Variants in ZFYVE16 observed in about 807,000 individuals in gnomAD.
ZFYVE16 encodes zinc finger FYVE-type containing 16.
In ZFYVE16, 89 loss-of-function variants were observed where a neutral mutation model predicts 138.1. That is an observed-to-expected ratio of 0.64 (90% CI 0.54 to 0.77). The LOEUF (loss-of-function observed/expected upper bound fraction) is 0.77, where lower values mean the gene tolerates loss of function less well. Among genes scored for constraint, ZFYVE16 ranks in the 30% least tolerant of loss-of-function variants. The pLI, the probability that ZFYVE16 is intolerant of heterozygous loss-of-function variation, is 0.00. For synonymous variants in ZFYVE16, 596 were observed against 618.3 expected (o/e 0.96, Z 0.53); for missense variants, 1,793 against 1,786.7 (o/e 1.00, Z -0.06).
intron 6 of ZFYVE16, among the ~76,000 whole-genome samples, chr5:80,444,755 TTA>T (rs903402130): frequency 6.6e-6 from 1 of 151,184 alleles, no homozygotes; most frequent in African/African-American, 2.4e-5. Context: ...CTTTTTTTCT[TTA>T]TATATATATA....
At chr5:80,432,969 G>A (rs994451730) in intron 2 of ZFYVE16, among the ~76,000 whole-genome samples, 2 of 152,174 alleles carry the variant, frequency 1.3e-5, no homozygotes, top group Non-Finnish European at 2.9e-5. Context: ...GGAAAAACAG[G>A]AATGCTTTTA....
Position 80,480,441 on chromosome 5 carries a change from A to C in ZFYVE16, c.*3064A>C, listed in dbSNP as rs970081141. On this transcript the variant is annotated 3_prime_UTR_variant, in exon 19 of 19. Transcript: ENST00000505560. The stretch of plus-strand genomic sequence containing the variant: ...ATGGGAGAAACAGCTGGAAAAAAAA[A>C]CAGAAGACCTGTAGAGAATACAGTG... 5.3e-5 allele frequency among the ~76,000 whole-genome samples: 8 copies of C among 151,506 alleles called. No individual in the cohort carries two copies. Among genetic ancestry groups the C allele is most frequent in the South Asian group, 2.1e-4 (1 of 4,792 alleles).
At chr5:80,416,247 A>ATTTTTTTTTT (rs70988469) in intron 1 of ZFYVE16, among the ~76,000 whole-genome samples, 1 of 73,346 alleles carries the variant, frequency 1.4e-5, no homozygotes, top group Non-Finnish European at 2.6e-5. Flanking sequence ...GAATACATAG[A>ATTTTTTTTTT]TTTTTTTTTT....
At position 80,411,273 on chromosome 5, in the gene ZFYVE16, C is replaced by T. The variant is rs373348712; in HGVS notation, c.-94+3120C>T. ...CTGGGATTACAGGCATGAGCCACCACGCTGGCCAAGTATATGCTTATAAAA... is the reference window on the plus strand; with the variant it reads ...CTGGGATTACAGGCATGAGCCACCATGCTGGCCAAGTATATGCTTATAAAA... On this transcript the variant is annotated intron_variant, in intron 1 of 18. Transcript: ENST00000505560. Among the ~76,000 whole-genome samples, 445 of 151,436 alleles carry T rather than the reference C, an allele frequency of 2.9e-3. 2 individuals are homozygous for T. The highest frequency in any genetic ancestry group is 0.01 in the African/African-American group (427 of 41,234).
intron 1 of ZFYVE16, among the ~76,000 whole-genome samples, chr5:80,426,246 G>T (rs1347019251): frequency 1.7e-5 from 1 of 59,102 alleles, no homozygotes; most frequent in Non-Finnish European, 3.8e-5. Context: ...GTGTGTCTGT[G>T]TGTGTGTGTG....
In ZFYVE16 at chr5:80,450,532, A is replaced by T. The variant is rs762178907; in HGVS notation, c.3328A>T (p.Ile1110Phe). The change falls in exon 10 of 19, where the codon ATT (isoleucine) becomes TTT (phenylalanine). Residue 1110 changes from isoleucine to phenylalanine, a missense_variant. Around this residue, in one of 2 missense-constraint regions of ZFYVE16, gnomAD observed 498 missense variants for 582.4 expected, o/e 0.86. Coordinates refer to ENST00000505560, the MANE Select transcript of ZFYVE16 (RefSeq NM_001284236.3). Reference sequence around the variant, plus strand: ...GTTATGTTTGCCAAATGAAGATACTATTCCTAAGGACATCTTCAGACTATT... The same window carrying T: ...GTTATGTTTGCCAAATGAAGATACTTTTCCTAAGGACATCTTCAGACTATT... ...LLLCLPNEDT[I>F]PKDIFRLFIT... The T allele has an allele frequency of 1.2e-6, 2 of 1,613,384 alleles. No homozygotes were observed. The highest frequency in any genetic ancestry group is 1.7e-5 in the Admixed American group (1 of 60,004).
rs377504564 is a variant in ZFYVE16 at position 80,438,365 on chromosome 5, A to G, written c.1680A>G (p.Gln560=). 10 of 1,613,620 alleles carry G rather than the reference A, an allele frequency of 6.2e-6. No homozygotes were observed. Among genetic ancestry groups the G allele is most frequent in the South Asian group, 5.5e-5 (5 of 91,046 alleles). The stretch of plus-strand genomic sequence containing the variant: ...AAAATGTAAATGACTCTAAATCGCA[A>G]ATGAATCAGATAGATATGAAAGGCT... ...FEENVNDSKS[Q]MNQIDMKGLD... Residue 560 remains glutamine, a synonymous_variant, in exon 4 of 19, where the codon CAA becomes CAG. Transcript: ENST00000505560.
chr5:80,474,545 C>T (rs1202087901), intron 17 of ZFYVE16, 118 bp from the exon 18 acceptor site: 2 of 1,047,134 alleles, frequency 1.9e-6, no homozygotes, highest in Non-Finnish European at 2.7e-6. Context: ...ACAGAATTCT[C>T]ACAACTAATG....
chr5:80,456,191 C>T (rs1201605827), intron 12 of ZFYVE16: 6 of 331,510 alleles, frequency 1.8e-5, no homozygotes, highest in South Asian at 4.4e-5. Flanking sequence ...CTAAAGTTCC[C>T]TTCCACCTAT....
In ZFYVE16 at chr5:80,445,321, T is replaced by A. The variant is rs753635660; in HGVS notation, c.2640T>A (p.Gly880=). Residue 880 remains glycine, a synonymous_variant, in exon 7 of 19, where the codon GGT becomes GGA. Coordinates refer to ENST00000505560, the MANE Select transcript of ZFYVE16 (RefSeq NM_001284236.3). Reference sequence around the variant, plus strand: ...TTGCAGATGGTATATTGCCCAATGGTGAAGTTGCAGATACAACAAAATTAT... The same window carrying A: ...TTGCAGATGGTATATTGCCCAATGGAGAAGTTGCAGATACAACAAAATTAT... ...VWFADGILPN[G]EVADTTKLSS... is the part of the protein sequence containing the mutation. 6.2e-7 allele frequency: 1 copy of A among 1,613,856 alleles called. No homozygotes were observed. The highest frequency in any genetic ancestry group is 1.3e-5 in the African/African-American group (1 of 74,912).
At position 80,477,168 on chromosome 5, in the gene ZFYVE16, G is replaced by A. The variant is rs781601395; in HGVS notation, c.4462-51G>A. The A allele has an allele frequency of 3.9e-5, 55 of 1,427,114 alleles. 1 individual carries two copies. The South Asian group carries it at 6.4e-4, about 17-fold the overall frequency. 88.4% of individuals were successfully genotyped at this position (1,427,114 alleles called of 1,614,324 possible). On this transcript the variant is annotated intron_variant, in intron 18 of 18. Transcript: ENST00000505560. ...TTCACTTATTTTATATTCACATTCCGAGTTAAACAAGATTGCTCATTTTCT... is the reference window on the plus strand; with the variant it reads ...TTCACTTATTTTATATTCACATTCCAAGTTAAACAAGATTGCTCATTTTCT...
intron 15 of ZFYVE16, among the ~76,000 whole-genome samples, chr5:80,461,008 TA>T (rs773768348): frequency 2.0e-5 from 3 of 152,192 alleles, no homozygotes; most frequent in Non-Finnish European, 4.4e-5. Flanking sequence ...ACTATATTTT[TA>T]AAAGAAAAAG....
intron 2 of ZFYVE16, among the ~76,000 whole-genome samples, chr5:80,428,855 A>G (rs1748548866): frequency 6.6e-6 from 1 of 152,234 alleles, no homozygotes; most frequent in African/African-American, 2.4e-5. Context: ...AAAGGGTATC[A>G]GTGATTGAAG....
intron 18 of ZFYVE16, among the ~76,000 whole-genome samples, chr5:80,475,339 G>A (rs560311591): frequency 1.3e-5 from 2 of 152,288 alleles, no homozygotes; most frequent in Admixed American, 6.5e-5. Flanking sequence ...GAATATTTGC[G>A]GAGAGCAGCA....
chr5:80,425,696 G>A lies in ZFYVE16; in HGVS notation c.-93-1796G>A, dbSNP rs141014902. On this transcript the variant is annotated intron_variant, in intron 1 of 18. Coordinates refer to ENST00000505560, the MANE Select transcript of ZFYVE16 (RefSeq NM_001284236.3). ...GTTATTTAACTTGTCCCTTATGCTTGACTTTCCTGTAAACATGCAGTTAGT... is the reference window on the plus strand; with the variant it reads ...GTTATTTAACTTGTCCCTTATGCTTAACTTTCCTGTAAACATGCAGTTAGT... Among the ~76,000 whole-genome samples, 603 of 152,216 alleles carry A rather than the reference G, an allele frequency of 4.0e-3. 3 individuals are homozygous for A. The highest frequency in any genetic ancestry group is 0.014 in the African/African-American group (569 of 41,546).
chr5:80,437,361 A>C lies in ZFYVE16; in HGVS notation c.676A>C (p.Asn226His). 1 of 1,603,484 alleles carries C rather than the reference A, an allele frequency of 6.2e-7. No individual in the cohort carries two copies. The highest frequency in any genetic ancestry group is 2.2e-5 in the East Asian group (1 of 44,798). ...SDSYNYSGTE[N>H]LKDKKIFNQL... ...TTCCTATAATTACAGTGGAACAGAA[A>C]ATTTAAAAGATAAAAAGATCTTTAA... The change falls in exon 4 of 19, where the codon AAT (asparagine) becomes CAT (histidine). Residue 226 changes from asparagine to histidine, a missense_variant. Physicochemically the swap from Asn to His is moderately conservative, Grantham distance 68. Transcript: ENST00000505560.
In ZFYVE16 at chr5:80,427,948, C is replaced by T. The variant is rs142160665; in HGVS notation, c.-40+403C>T. 6.9e-3 allele frequency among the ~76,000 whole-genome samples: 757 copies of T among 110,146 alleles called. 7 individuals carry two copies. The highest frequency in any genetic ancestry group is 0.022 in the African/African-American group (648 of 29,276). 72.3% of individuals were successfully genotyped at this position (110,146 alleles called of 152,430 possible). ...GACAGCATCACTGCACTCTAGCATGCGTGACAGAGCGAGACTCCATCTCAA... is the reference window on the plus strand; with the variant it reads ...GACAGCATCACTGCACTCTAGCATGTGTGACAGAGCGAGACTCCATCTCAA... On this transcript the variant is annotated intron_variant, in intron 2 of 18. Coordinates refer to ENST00000505560, the MANE Select transcript of ZFYVE16 (RefSeq NM_001284236.3).
intron 15 of ZFYVE16, among the ~76,000 whole-genome samples, chr5:80,464,700 T>C (rs557278874): frequency 2.7e-4 from 41 of 152,284 alleles, no homozygotes; most frequent in African/African-American, 9.4e-4. Flanking sequence ...TCTTGGTTAC[T>C]CTTGTAAAGT....
intron 1 of ZFYVE16, among the ~76,000 whole-genome samples, chr5:80,425,875 C>G (rs554415245): frequency 2.0e-5 from 3 of 152,180 alleles, no homozygotes; most frequent in Non-Finnish European, 4.4e-5. Flanking sequence ...TTTTCTCTAG[C>G]CTTGTAAACA....
Sources: allele counts gnomAD v4.1 joint callset (sites outside exome capture counted in the v4.1 genomes callset), GRCh38; gene constraint gnomAD v4.1.1; regional missense constraint gnomAD v4.1.1; transcripts MANE v1.5; gene names NCBI Gene and HGNC (gene_info 2026-07-23, HGNC 2026-07-21).